GRIK3: variants seen among roughly 807,000 people sequenced by gnomAD.
The protein encoded by GRIK3 is glutamate receptor ionotropic, kainate 3.
GRIK3 carries 29 observed loss-of-function variants against 102.5 expected under a neutral mutation model. The observed-to-expected ratio is 0.28, with a 90% CI of 0.21 to 0.39. The LOEUF (loss-of-function observed/expected upper bound fraction) is 0.39. Among genes scored for constraint, GRIK3 ranks in the 10% least tolerant of loss-of-function variants. GRIK3 has a pLI of 1.00. For missense variants in GRIK3, 908 were observed against 1,252.4 expected, an observed-to-expected ratio of 0.73 and a Z score of 4.15; for synonymous variants, 511 against 504.9, an observed-to-expected ratio of 1.01 and a Z score of -0.16.
intron 1 of GRIK3, among the ~76,000 whole-genome samples, chr1:37,003,525 G>A (rs891304059): frequency 6.6e-6 from 1 of 152,136 alleles, no homozygotes. Flanking sequence ...GAGGTGGTGG[G>A]GGTCTGTCTG....
intron 1 of GRIK3, among the ~76,000 whole-genome samples, chr1:37,029,617 C>T (rs1642799688): frequency 6.6e-6 from 1 of 152,234 alleles, no homozygotes; most frequent in Non-Finnish European, 1.5e-5. Flanking sequence ...TGGCCTTATA[C>T]TTCTCTCAAG....
intron 1 of GRIK3, among the ~76,000 whole-genome samples, chr1:36,900,326 T>TCTC (rs1336624658): frequency 6.6e-6 from 1 of 151,834 alleles, no homozygotes; most frequent in African/African-American, 2.4e-5. Context: ...TCTTCCTCCT[T>TCTC]CTCCTCCTCC....
At chr1:36,891,255 A>G (rs1471497884) in intron 1 of GRIK3, among the ~76,000 whole-genome samples, 159 bp from the exon 2 acceptor site, 1 of 152,258 alleles carries the variant, frequency 6.6e-6, no homozygotes, top group East Asian at 1.9e-4. Flanking sequence ...CAGGAGCACA[A>G]GAAATAGGAA....
chr1:37,005,744 A>G (rs1642524529), intron 1 of GRIK3, among the ~76,000 whole-genome samples: 1 of 152,188 alleles, frequency 6.6e-6, no homozygotes, highest in South Asian at 2.1e-4. Flanking sequence ...TTGAGCACCT[A>G]CAATGTTCTA....
chr1:36,845,835 C>T (rs1640513604), intron 9 of GRIK3, among the ~76,000 whole-genome samples: 1 of 152,212 alleles, frequency 6.6e-6, no homozygotes, highest in African/African-American at 2.4e-5. Context: ...TTCTCCCAGC[C>T]AACACTCTAG....
intron 1 of GRIK3, among the ~76,000 whole-genome samples, chr1:36,989,457 G>A (rs1164410698): frequency 6.6e-6 from 1 of 152,230 alleles, no homozygotes; most frequent in African/African-American, 2.4e-5. Context: ...GGAGACAAGA[G>A]TTAGGAGGCG....
intron 13 of GRIK3, among the ~76,000 whole-genome samples, chr1:36,814,968 T>C (rs531857854): frequency 6.6e-6 from 1 of 152,080 alleles, no homozygotes; most frequent in Admixed American, 6.5e-5. Flanking sequence ...TACACACATG[T>C]CCCCACACAG....
Position 36,894,053 on chromosome 1 carries a change from G to A in GRIK3, c.116-2957C>T, listed in dbSNP as rs180746214. On this transcript the variant is annotated intron_variant, in intron 1 of 15. Transcript: ENST00000373091. ...TTATTACATTCTACAAGATTCACCT[G>A]TTTTAAAGTGTACAATGATTTTTAG... is the stretch of plus-strand genomic sequence containing the variant. Among the ~76,000 whole-genome samples the A allele has an allele frequency of 7.9e-5, 12 of 152,244 alleles. No homozygotes were observed. In the East Asian group the frequency reaches 2.3e-3, roughly 29 times the overall value.
chr1:36,876,512 G>A (rs1309579944), intron 3 of GRIK3, among the ~76,000 whole-genome samples: 2 of 152,192 alleles, frequency 1.3e-5, no homozygotes, highest in Non-Finnish European at 2.9e-5. Flanking sequence ...ACTTTGTCAA[G>A]CTGCTAAATC....
intron 1 of GRIK3, among the ~76,000 whole-genome samples, chr1:37,003,115 G>A (rs559033612): frequency 1.3e-4 from 19 of 150,104 alleles, no homozygotes; most frequent in South Asian, 2.1e-4. Context: ...ACCAGGGAGC[G>A]TAGAGTCAAA....
intron 2 of GRIK3, among the ~76,000 whole-genome samples, chr1:36,883,947 C>T (rs574505266): frequency 4.6e-5 from 7 of 152,306 alleles, no homozygotes; most frequent in South Asian, 4.1e-4. Context: ...ACCAGGAACA[C>T]CAGAGATTGC....
At chr1:36,855,282 G>A (rs1640637627) in intron 7 of GRIK3, among the ~76,000 whole-genome samples, 1 of 152,190 alleles carries the variant, frequency 6.6e-6, no homozygotes, top group South Asian at 2.1e-4. Flanking sequence ...CTCCCTTGCA[G>A]ATTCTGAATC....
chr1:37,011,923 T>C (rs1003881040), intron 1 of GRIK3, among the ~76,000 whole-genome samples: 2 of 152,110 alleles, frequency 1.3e-5, no homozygotes, highest in African/African-American at 2.4e-5. Flanking sequence ...GCAAACCTTT[T>C]TGGGGGGACG....
rs777427858 is a variant in GRIK3 at position 36,959,022 on chromosome 1, A to C, written c.116-67926T>G. Among the ~76,000 whole-genome samples, 14 of 79,998 alleles carry C rather than the reference A, an allele frequency of 1.8e-4. 2 individuals are homozygous for C. The highest frequency in any genetic ancestry group is 3.5e-4 in the Non-Finnish European group (13 of 37,358). The allele number at this position is 79,998 out of a possible 152,430, so 52.5% of individuals were successfully genotyped here. Reference sequence around the variant, plus strand: ...TCTGTGCCCCGTGACTCTGTGCCCCATGAGCCTGTGTGCCCTGTGAGTCTG... The same window carrying C: ...TCTGTGCCCCGTGACTCTGTGCCCCCTGAGCCTGTGTGCCCTGTGAGTCTG... On this transcript the variant is annotated intron_variant, in intron 1 of 15. Coordinates refer to ENST00000373091, the MANE Select transcript of GRIK3 (RefSeq NM_000831.4).
At chr1:36,919,698 T>C (rs1003991291) in intron 1 of GRIK3, among the ~76,000 whole-genome samples, 1 of 152,236 alleles carries the variant, frequency 6.6e-6, no homozygotes, top group African/African-American at 2.4e-5. Context: ...AGCACTGCTG[T>C]GCCCGGCTGT....
chr1:36,867,312 A>G (rs1174441917), intron 5 of GRIK3, among the ~76,000 whole-genome samples: 3 of 152,100 alleles, frequency 2.0e-5, no homozygotes, highest in Admixed American at 6.5e-5. Context: ...GCATCAGTCA[A>G]TGTTTCTCAA....
chr1:37,029,257 A>G lies in GRIK3; in HGVS notation c.115+4737T>C, dbSNP rs1049299842. The stretch of plus-strand genomic sequence containing the variant: ...CTTCCCAGAGCTGCAGCCCTACCAC[A>G]CTGGCCTCTGGAGGACAAGCGAGTG... On this transcript the variant is annotated intron_variant, in intron 1 of 15. Coordinates refer to ENST00000373091, the MANE Select transcript of GRIK3 (RefSeq NM_000831.4). 5.9e-5 allele frequency among the ~76,000 whole-genome samples: 9 copies of G among 152,124 alleles called. 1 individual carries two copies. The highest frequency in any genetic ancestry group is 5.9e-4 in the Admixed American group (9 of 15,278).
At position 36,801,819 on chromosome 1, in the gene GRIK3, C is replaced by A. The variant is rs1199362082; in HGVS notation, c.*32G>T. 6 of 1,553,068 alleles carry A rather than the reference C, an allele frequency of 3.9e-6. No homozygotes were observed. Among genetic ancestry groups the A allele is most frequent in the Middle Eastern group, 1.7e-4 (1 of 5,794 alleles). ...TCTCCTTTGCTTTCCTCTGCCCAGC[C>A]CCCAGGCCTGAGGTCCCCACCCCAG... On this transcript the variant is annotated 3_prime_UTR_variant, in exon 16 of 16. Transcript: ENST00000373091.
chr1:36,862,634 CAGA>C (rs142691157), intron 5 of GRIK3, among the ~76,000 whole-genome samples: 2,427 of 152,214 alleles, frequency 0.016, 70 homozygotes, highest in African/African-American at 0.055. Flanking sequence ...ATAAATATCC[CAGA>C]AGAAGTCTCC....
Sources: gnomAD v4.1 joint callset for allele counts (sites outside exome capture counted in the v4.1 genomes callset) on GRCh38, gnomAD v4.1.1 for gene constraint, MANE v1.5 for transcripts, NCBI Gene and HGNC (gene_info 2026-07-23, HGNC 2026-07-21) for gene names.